Variants in DOCK8 observed in about 807,000 individuals in gnomAD.
DOCK8 encodes the protein dedicator of cytokinesis protein 8.
In DOCK8, 141 loss-of-function variants were observed where a neutral mutation model predicts 245.6. The ratio of observed to expected loss-of-function variants is 0.57; its 90% confidence interval spans 0.50 to 0.66. The LOEUF (loss-of-function observed/expected upper bound fraction) is 0.66, where lower values mean the gene tolerates loss of function less well. DOCK8 is among the 30% of genes least tolerant of loss of function. The probability of loss-of-function intolerance (pLI) is 0.00; values close to 1 mark genes in which losing one functional copy is unlikely to be tolerated. For missense variants in DOCK8, 2,965 were observed against 2,603.4 expected (o/e 1.14, Z -3.02); for synonymous variants, 1,168 against 970.2 (o/e 1.20, Z -3.79).
chr9:412,021 T>A (rs1262350660), intron 28 of DOCK8, among the ~76,000 whole-genome samples: 1 of 152,140 alleles, frequency 6.6e-6, no homozygotes, highest in Non-Finnish European at 1.5e-5. Flanking sequence ...TCCCTAAGAT[T>A]AGGAACAAGA....
At position 428,358 on chromosome 9, in the gene DOCK8, C is replaced by T; in HGVS notation, c.4339-4C>T. The T allele has an allele frequency of 6.2e-7, 1 of 1,614,124 alleles. No individual in the cohort carries two copies. The highest frequency in any genetic ancestry group is 8.5e-7 in the Non-Finnish European group (1 of 1,180,024). On this transcript the variant is annotated splice_region_variant and splice_polypyrimidine_tract_variant and intron_variant, in intron 34 of 47. Transcript: ENST00000432829. The stretch of plus-strand genomic sequence containing the variant: ...TCAATGATGCTGTTCTTCCATTCCC[C>T]CAGGCGAGCTCGGCTCTGGACTGTA...
intron 14 of DOCK8, among the ~76,000 whole-genome samples, chr9:352,184 A>T (rs1393554162): frequency 6.6e-6 from 1 of 152,132 alleles, no homozygotes; most frequent in Non-Finnish European, 1.5e-5. Flanking sequence ...GCAAAGCTGG[A>T]TGGGACTCCA....
Position 363,205 on chromosome 9 carries a change from C to T in DOCK8, c.1680-4813C>T, listed in dbSNP as rs181420741. 4.6e-5 allele frequency among the ~76,000 whole-genome samples: 7 copies of T among 152,268 alleles called. No individual in the cohort carries two copies. The East Asian group carries it at 1.4e-3, about 29-fold the overall frequency. ...GTGACTGAAAAAAACCACTTTTGTC[C>T]ACATTTGGGGAAAGATAAGATTATA... On this transcript the variant is annotated intron_variant, in intron 14 of 47. Coordinates refer to ENST00000432829, the MANE Select transcript of DOCK8 (RefSeq NM_203447.4).
At chr9:390,868 C>G (rs1488309237) in intron 24 of DOCK8, among the ~76,000 whole-genome samples, 1 of 152,192 alleles carries the variant, frequency 6.6e-6, no homozygotes, top group African/African-American at 2.4e-5. Context: ...TCCATTTTTG[C>G]TCTTGGCCCA....
At chr9:359,324 C>T (rs2052609333) in intron 14 of DOCK8, among the ~76,000 whole-genome samples, 1 of 152,202 alleles carries the variant, frequency 6.6e-6, no homozygotes, top group African/African-American at 2.4e-5. Flanking sequence ...AGTGTGCCAC[C>T]TGCTGCTGTG....
rs539655980 is a variant in DOCK8 at position 255,409 on chromosome 9, T to G, written c.54-16218T>G. On this transcript the variant is annotated intron_variant, in intron 1 of 47. Transcript: ENST00000432829. ...CAGGCAGAGCGCGGTGGCTCATGCC[T>G]GTAATCCCAGCACTTTGGGAGGCCA... 1.0e-3 allele frequency among the ~76,000 whole-genome samples: 153 copies of G among 152,308 alleles called. 1 individual carries two copies. Among genetic ancestry groups the G allele is most frequent in the African/African-American group, 3.5e-3 (144 of 41,584 alleles).
chr9:420,366 C>T, intron 30 of DOCK8, 35 bp from the exon 31 acceptor site: 1 of 1,613,282 alleles, frequency 6.2e-7, no homozygotes, highest in Non-Finnish European at 8.5e-7. Context: ...TTGACTTCTT[C>T]CCTGGCCTCC....
intron 1 of DOCK8, among the ~76,000 whole-genome samples, chr9:232,081 A>C (rs1317763028): frequency 5.3e-5 from 8 of 152,136 alleles, no homozygotes; most frequent in Non-Finnish European, 5.9e-5. Context: ...TCAATACCTA[A>C]TTTATTGAGA....
intron 4 of DOCK8, among the ~76,000 whole-genome samples, chr9:299,976 C>G (rs567813573): frequency 2.0e-5 from 3 of 148,764 alleles, no homozygotes; most frequent in Non-Finnish European, 4.4e-5. Flanking sequence ...GAGCAGAGAT[C>G]GTGCCACTGC....
At chr9:298,866 G>T (rs528186008) in intron 4 of DOCK8, among the ~76,000 whole-genome samples, 2 of 147,948 alleles carry the variant, frequency 1.4e-5, no homozygotes, top group South Asian at 4.3e-4. Context: ...CTAAACCTTT[G>T]ACATCAATAC....
intron 1 of DOCK8, among the ~76,000 whole-genome samples, chr9:222,219 C>T (rs531014009): frequency 4.7e-4 from 71 of 151,810 alleles, no homozygotes; most frequent in African/African-American, 1.6e-3. Flanking sequence ...GCTATGATTG[C>T]GCCACTACTC....
chr9:399,988 C>CCT lies in DOCK8; in HGVS notation c.3234+730_3234+731insTC, dbSNP rs1554691473. ...ACCACCTTCTCCACCATCACCACCTCCCACCACCTCCACCACCTCCACCAT... is the reference window on the plus strand; with the variant it reads ...ACCACCTTCTCCACCATCACCACCTCCTCCACCACCTCCACCACCTCCACCAT... On this transcript the variant is annotated intron_variant, in intron 26 of 47. Transcript: ENST00000432829. Among the ~76,000 whole-genome samples, 8 of 79,454 alleles carry CCT rather than the reference C, an allele frequency of 1.0e-4. 1 individual carries two copies. Among genetic ancestry groups the CCT allele is most frequent in the Admixed American group, 8.5e-4 (6 of 7,090 alleles). 52.1% of individuals were successfully genotyped at this position (79,454 alleles called of 152,430 possible).
chr9:415,112 T>TA (rs951997321), intron 29 of DOCK8, among the ~76,000 whole-genome samples, 161 bp downstream of exon 29: 6 of 152,054 alleles, frequency 3.9e-5, no homozygotes, highest in African/African-American at 1.2e-4. Context: ...CCCAATCAGT[T>TA]AAAAAAACAA....
At chr9:440,028 TC>T (rs2057039783) in intron 40 of DOCK8, among the ~76,000 whole-genome samples, 2 of 151,942 alleles carry the variant, frequency 1.3e-5, no homozygotes. Context: ...TATTTTCTTT[TC>T]TTTTTTTGAG....
chr9:379,988 C>T lies in DOCK8; in HGVS notation c.2605+53C>T. The T allele has an allele frequency of 1.9e-6, 3 of 1,579,616 alleles. 1 individual carries two copies. In the East Asian group the frequency reaches 6.9e-5, roughly 36 times the overall value. ...GGTGGGCGGGGCAACACCACCTCCACCCCACTGCAGTGTAATCCAAAATAA... is the reference window on the plus strand; with the variant it reads ...GGTGGGCGGGGCAACACCACCTCCATCCCACTGCAGTGTAATCCAAAATAA... On this transcript the variant is annotated intron_variant, in intron 21 of 47. Transcript: ENST00000432829.
intron 33 of DOCK8, among the ~76,000 whole-genome samples, chr9:425,097 T>C (rs528373705): frequency 1.3e-5 from 2 of 152,368 alleles, no homozygotes; most frequent in Non-Finnish European, 1.5e-5. Context: ...ATAAACAAAA[T>C]ATATTAAAAA....
At chr9:300,040 G>T (rs2049462256) in intron 4 of DOCK8, among the ~76,000 whole-genome samples, 1 of 150,596 alleles carries the variant, frequency 6.6e-6, no homozygotes, top group Non-Finnish European at 1.5e-5. Flanking sequence ...AAAAAAGATG[G>T]CCCATTGTGG....
Position 392,552 on chromosome 9 carries a change from A to G in DOCK8, c.2970+1986A>G, listed in dbSNP as rs992740808. 3.3e-5 allele frequency among the ~76,000 whole-genome samples: 5 copies of G among 152,234 alleles called. No individual in the cohort carries two copies. In the East Asian group the frequency reaches 7.7e-4, roughly 23 times the overall value. The stretch of plus-strand genomic sequence containing the variant: ...GCATTGTGCATTTACCTGTCTTCTC[A>G]GGTGACTTCTAAGCCTGTTAATGAT... On this transcript the variant is annotated intron_variant, in intron 24 of 47. Transcript: ENST00000432829.
chr9:392,685 G>A (rs950378851), intron 24 of DOCK8, among the ~76,000 whole-genome samples: 3 of 152,020 alleles, frequency 2.0e-5, no homozygotes, highest in Non-Finnish European at 4.4e-5. Context: ...CAAAAGCCGA[G>A]CTAATTAAGG....
Sources: gnomAD v4.1 joint callset for allele counts (sites outside exome capture counted in the v4.1 genomes callset) on GRCh38, gnomAD v4.1.1 for gene constraint, MANE v1.5 for transcripts, NCBI Gene and HGNC (gene_info 2026-07-23, HGNC 2026-07-21) for gene names.